Variants in RUNX2 observed in about 807,000 individuals in gnomAD.
RUNX2 encodes runt-related transcription factor 2.
In RUNX2, 10 loss-of-function variants were observed where a neutral mutation model predicts 51.7. The ratio of observed to expected loss-of-function variants is 0.19; its 90% CI spans 0.12 to 0.33. RUNX2 has a LOEUF of 0.33. Among genes scored for constraint, RUNX2 ranks in the 10% least tolerant of loss-of-function variants. RUNX2 has a pLI of 1.00. For missense variants in RUNX2, 562 were observed against 691.3 expected, an observed-to-expected ratio of 0.81 and a Z score of 2.10; for synonymous variants, 276 against 273.6, an observed-to-expected ratio of 1.01 and a Z score of -0.09.
intron 2 of RUNX2, among the ~76,000 whole-genome samples, chr6:45,352,139 C>T (rs6934594): frequency 0.6 from 90,826 of 151,906 alleles, 27,563 homozygotes; most frequent in African/African-American, 0.66. Context: ...AAGAAGTGTA[C>T]TGAACTACAG....
chr6:45,456,762 T>C (rs1192372567), intron 5 of RUNX2, among the ~76,000 whole-genome samples: 1 of 152,192 alleles, frequency 6.6e-6, no homozygotes, highest in Admixed American at 6.5e-5. Flanking sequence ...ATATATTCTG[T>C]ATTTGCATAG....
Position 45,345,313 on chromosome 6 carries a change from T to C in RUNX2, c.58+16529T>C, listed in dbSNP as rs533297218. Among the ~76,000 whole-genome samples the C allele has an allele frequency of 1.9e-3, 285 of 152,300 alleles. 1 individual carries two copies. The highest frequency in any genetic ancestry group is 6.3e-3 in the African/African-American group (262 of 41,566). ...TGCTATGAGGTTGACAGTAAAACTT[T>C]TGCCCCATCTCAGCAACCAGAGGGA... On this transcript the variant is annotated intron_variant, in intron 2 of 8. Transcript: ENST00000647337.
At chr6:45,492,806 TA>T (rs1345137936) in intron 6 of RUNX2, among the ~76,000 whole-genome samples, 2 of 152,338 alleles carry the variant, frequency 1.3e-5, no homozygotes, top group African/African-American at 4.8e-5. Context: ...CAGATTTATT[TA>T]AAGACTCGTT....
chr6:45,430,093 CAA>C (rs11367524), intron 3 of RUNX2, among the ~76,000 whole-genome samples: 4,156 of 140,682 alleles, frequency 0.03, 81 homozygotes, highest in Middle Eastern at 0.04. Flanking sequence ...GACTCCATCT[CAA>C]AAAAAAAAAA....
At chr6:45,385,760 C>T (rs780251599) in intron 2 of RUNX2, among the ~76,000 whole-genome samples, 1 of 152,082 alleles carries the variant, frequency 6.6e-6, no homozygotes, top group Non-Finnish European at 1.5e-5. Flanking sequence ...ATCAGCTGGG[C>T]ATGGTTGTGC....
intron 5 of RUNX2, among the ~76,000 whole-genome samples, chr6:45,476,991 G>A (rs1415775976): frequency 1.3e-5 from 2 of 152,248 alleles, no homozygotes; most frequent in South Asian, 4.2e-4. Flanking sequence ...ATGAGGAATG[G>A]GTATGGAATG....
At chr6:45,438,318 A>G (rs1798748226) in intron 5 of RUNX2, among the ~76,000 whole-genome samples, 1 of 152,166 alleles carries the variant, frequency 6.6e-6, no homozygotes, top group Non-Finnish European at 1.5e-5. Flanking sequence ...ACTGTTAACT[A>G]TTTGCTAAGA....
At chr6:45,426,427 G>C (rs1305863381) in intron 3 of RUNX2, among the ~76,000 whole-genome samples, 3 of 152,190 alleles carry the variant, frequency 2.0e-5, no homozygotes, top group Admixed American at 1.3e-4. Context: ...GGTAACGGTG[G>C]AGAGAGCGTG....
intron 5 of RUNX2, among the ~76,000 whole-genome samples, chr6:45,476,656 C>G (rs1799963976): frequency 6.6e-6 from 1 of 152,144 alleles, no homozygotes; most frequent in African/African-American, 2.4e-5. Context: ...TCAGAAGACA[C>G]TGTGCATGCA....
intron 2 of RUNX2, among the ~76,000 whole-genome samples, chr6:45,394,961 G>A (rs559823383): frequency 6.6e-6 from 1 of 152,052 alleles, no homozygotes; most frequent in African/African-American, 2.4e-5. Flanking sequence ...GGTGTGTGTG[G>A]GGGGGAGGCA....
chr6:45,384,565 G>A (rs1445624339), intron 2 of RUNX2, among the ~76,000 whole-genome samples: 1 of 151,978 alleles, frequency 6.6e-6, no homozygotes, highest in Non-Finnish European at 1.5e-5. Context: ...GATTACAGGT[G>A]TGAGCCACTG....
chr6:45,528,659 C>G (rs755965077), intron 7 of RUNX2, among the ~76,000 whole-genome samples: 14 of 152,214 alleles, frequency 9.2e-5, no homozygotes, highest in Non-Finnish European at 1.9e-4. Context: ...AAGCATCATG[C>G]ATGCAGGTGT....
chr6:45,422,850 A>G lies in RUNX2; in HGVS notation c.316A>G (p.Ile106Val). 1 of 1,611,022 alleles carries G rather than the reference A, an allele frequency of 6.2e-7. No individual in the cohort carries two copies. Among genetic ancestry groups the G allele is most frequent in the Non-Finnish European group, 8.5e-7 (1 of 1,179,326 alleles). The stretch of plus-strand genomic sequence containing the variant: ...CGACAACCGCACCATGGTGGAGATC[A>G]TCGCCGACCACCCGGCCGAACTCGT... ...PHDNRTMVEI[I>V]ADHPAELVRT... The change falls in exon 3 of 9, where the codon ATC (isoleucine) becomes GTC (valine). Residue 106 changes from isoleucine (I) to valine (V), a missense_variant. Ile to Val is a conservative substitution (Grantham distance 29). Coordinates refer to ENST00000647337, the MANE Select transcript of RUNX2 (RefSeq NM_001024630.4).
intron 7 of RUNX2, among the ~76,000 whole-genome samples, chr6:45,523,562 C>G (rs1279742885): frequency 6.6e-6 from 1 of 151,922 alleles, no homozygotes; most frequent in Non-Finnish European, 1.5e-5. Context: ...TGAGCCACTG[C>G]GCCCGGCCTG....
intron 5 of RUNX2, among the ~76,000 whole-genome samples, chr6:45,459,718 A>T (rs1254687260): frequency 6.6e-6 from 1 of 152,204 alleles, no homozygotes; most frequent in Non-Finnish European, 1.5e-5. Flanking sequence ...CAAACAAATG[A>T]ATATATATAA....
At chr6:45,491,755 C>T (rs1253410534) in intron 5 of RUNX2, among the ~76,000 whole-genome samples, 186 bp from the exon 6 acceptor site, 1 of 151,052 alleles carries the variant, frequency 6.6e-6, no homozygotes, top group Non-Finnish European at 1.5e-5. Flanking sequence ...GCTAGGAATG[C>T]TGGCCACCAG....
chr6:45,471,672 C>T (rs769721467), intron 5 of RUNX2, among the ~76,000 whole-genome samples: 10 of 152,144 alleles, frequency 6.6e-5, no homozygotes, highest in Non-Finnish European at 1.3e-4. Context: ...TCTTGATCTC[C>T]TGACCTCGTC....
intron 2 of RUNX2, among the ~76,000 whole-genome samples, chr6:45,346,338 G>T (rs1205475337): frequency 6.6e-6 from 1 of 152,084 alleles, no homozygotes; most frequent in Non-Finnish European, 1.5e-5. Context: ...TTTTAAAGGA[G>T]TCTACAGGGT....
At chr6:45,481,648 A>G (rs569249435) in intron 5 of RUNX2, among the ~76,000 whole-genome samples, 2 of 152,188 alleles carry the variant, frequency 1.3e-5, no homozygotes, top group Non-Finnish European at 2.9e-5. Context: ...AGTCAGAGAG[A>G]CTGGGCATAA....
Sources: gnomAD v4.1 joint callset for allele counts (sites outside exome capture counted in the v4.1 genomes callset) on GRCh38, gnomAD v4.1.1 for gene constraint, MANE v1.5 for transcripts, NCBI Gene and HGNC (gene_info 2026-07-23, HGNC 2026-07-21) for gene names.